Variants in CHODL observed in about 807,000 individuals in gnomAD.
CHODL encodes the protein chondrolectin, also known as transmembrane protein MT75.
In CHODL, 29 loss-of-function variants were observed where a neutral mutation model predicts 34.5. The ratio of observed to expected loss-of-function variants is 0.84; its 90% CI spans 0.63 to 1.15. CHODL has a LOEUF of 1.15. Ranked by LOEUF, CHODL falls within the 50% of genes most tolerant of loss-of-function variation. CHODL has a pLI of 0.00. For missense variants in CHODL, 332 were observed against 332.5 expected, an observed-to-expected ratio of 1.00 and a Z score of 0.01; for synonymous variants, 125 against 116.1, an observed-to-expected ratio of 1.08 and a Z score of -0.49.
At chr21:17,923,474 T>C (rs144441078) in intron 1 of CHODL, among the ~76,000 whole-genome samples, 1 of 151,490 alleles carries the variant, frequency 6.6e-6, no homozygotes, top group East Asian at 1.9e-4. Flanking sequence ...TTTTTTTTTT[T>C]TTTTTGAGAC....
At chr21:18,265,310 C>CACACATAT (rs1555887739) in intron 5 of CHODL, among the ~76,000 whole-genome samples, 2 of 147,148 alleles carry the variant, frequency 1.4e-5, no homozygotes, top group Non-Finnish European at 3.0e-5. Context: ...CACACACACA[C>CACACATAT]ATATATATAT....
intron 2 of CHODL, among the ~76,000 whole-genome samples, chr21:18,211,903 A>G (rs554387007): frequency 6.6e-6 from 1 of 152,326 alleles, no homozygotes; most frequent in East Asian, 1.9e-4. Context: ...CAGTTATTCC[A>G]TGATGAATAT....
At chr21:18,247,298 G>T (rs1475399979) in intron 1 of CHODL, among the ~76,000 whole-genome samples, 1 of 152,060 alleles carries the variant, frequency 6.6e-6, no homozygotes, top group Non-Finnish European at 1.5e-5. Flanking sequence ...CTTTGGGGCT[G>T]TTATTAGGAA....
intron 5 of CHODL, among the ~76,000 whole-genome samples, chr21:18,264,895 G>T (rs140560779): frequency 4.3e-4 from 66 of 152,154 alleles, no homozygotes; most frequent in African/African-American, 1.5e-3. Context: ...AAGTGACTTA[G>T]GTGCAGAGCC....
intron 2 of CHODL, among the ~76,000 whole-genome samples, chr21:18,082,300 C>T (rs1212701182): frequency 6.6e-6 from 1 of 152,178 alleles, no homozygotes; most frequent in Non-Finnish European, 1.5e-5. Context: ...AGTCATGCTT[C>T]CCATTAAGCC....
chr21:18,222,172 A>C (rs748785950), intron 2 of CHODL, among the ~76,000 whole-genome samples: 7 of 152,112 alleles, frequency 4.6e-5, no homozygotes, highest in Non-Finnish European at 8.8e-5. Flanking sequence ...TGAGGAGCTC[A>C]TGCTTCAGTT....
intron 2 of CHODL, among the ~76,000 whole-genome samples, chr21:18,143,342 A>G (rs1225279882): frequency 1.1e-4 from 17 of 152,160 alleles, no homozygotes; most frequent in Admixed American, 6.5e-5. Context: ...TATTTCTCCA[A>G]TATCTATTTT....
intron 2 of CHODL, among the ~76,000 whole-genome samples, chr21:18,084,925 G>GTGTGTGTGTGTGTA (rs2064986782): frequency 1.5e-5 from 1 of 65,752 alleles, no homozygotes; most frequent in African/African-American, 4.7e-5. Context: ...GTAATAGTGT[G>GTGTGTGTGTGTGTA]TGTGTGTGTG....
chr21:18,010,925 A>C (rs1220215067), intron 1 of CHODL, among the ~76,000 whole-genome samples: 1 of 152,204 alleles, frequency 6.6e-6, no homozygotes. Context: ...CCTTGACAGT[A>C]TAAGAAAAGT....
At chr21:18,147,516 T>C (rs541133347) in intron 2 of CHODL, among the ~76,000 whole-genome samples, 3 of 152,384 alleles carry the variant, frequency 2.0e-5, no homozygotes, top group Admixed American at 6.5e-5. Context: ...GTGTGGCTTA[T>C]AGACATAATT....
At chr21:18,084,920 A>AGTGTGTGTGTGTGTGT (rs376876845) in intron 2 of CHODL, among the ~76,000 whole-genome samples, 1 of 85,220 alleles carries the variant, frequency 1.2e-5, no homozygotes, top group African/African-American at 3.1e-5. Context: ...GTCTAGTAAT[A>AGTGTGTGTGTGTGTGT]GTGTGTGTGT....
Position 17,936,569 on chromosome 21 carries a change from T to C in CHODL, c.-145+19169T>C, listed in dbSNP as rs2146325676. 2.0e-5 allele frequency among the ~76,000 whole-genome samples: 3 copies of C among 152,290 alleles called. 1 individual carries two copies. The East Asian group carries it at 5.8e-4, about 29-fold the overall frequency. On this transcript the variant is annotated intron_variant, in intron 1 of 6. Transcript: ENST00000400127. Reference sequence around the variant, plus strand: ...GTGAAACAGATCCAATGGAAAGCTGTTGTTTCATTATGTTTTGTTTTAAAG... The same window carrying C: ...GTGAAACAGATCCAATGGAAAGCTGCTGTTTCATTATGTTTTGTTTTAAAG...
At chr21:18,182,676 C>T (rs2073395349) in intron 2 of CHODL, among the ~76,000 whole-genome samples, 1 of 151,956 alleles carries the variant, frequency 6.6e-6, no homozygotes, top group Non-Finnish European at 1.5e-5. Flanking sequence ...TAATAAATCC[C>T]ATATCTCAGT....
At chr21:17,984,696 G>T (rs892384120) in intron 1 of CHODL, among the ~76,000 whole-genome samples, 1 of 151,826 alleles carries the variant, frequency 6.6e-6, no homozygotes, top group Non-Finnish European at 1.5e-5. Context: ...TGTGTGGAAA[G>T]GCTTTCCCCA....
chr21:17,976,931 T>G (rs1600850546), intron 1 of CHODL, among the ~76,000 whole-genome samples: 1 of 152,148 alleles, frequency 6.6e-6, no homozygotes, highest in African/African-American at 2.4e-5. Flanking sequence ...CAGACAGATT[T>G]AAATAATTGT....
intron 1 of CHODL, among the ~76,000 whole-genome samples, chr21:17,942,798 A>G (rs1288190974): frequency 6.6e-6 from 1 of 152,098 alleles, no homozygotes; most frequent in African/African-American, 2.4e-5. Flanking sequence ...GTCCCCACCC[A>G]AATCTCATGT....
chr21:18,087,637 G>T lies in CHODL; in HGVS notation c.-45+59666G>T, dbSNP rs899768128. Reference sequence around the variant, plus strand: ...AAACTCAGCCTGAGGGTAGAGGGCAGCCTGGAATTAAACTCTCAAAATGAC... The same window carrying T: ...AAACTCAGCCTGAGGGTAGAGGGCATCCTGGAATTAAACTCTCAAAATGAC... On this transcript the variant is annotated intron_variant, in intron 2 of 6. Transcript: ENST00000400127. Among the ~76,000 whole-genome samples the T allele has an allele frequency of 1.1e-4, 16 of 152,266 alleles. 1 individual carries two copies. In the Middle Eastern group the frequency reaches 0.01, roughly 97 times the overall value.
At chr21:18,151,289 C>T (rs1011454107) in intron 2 of CHODL, among the ~76,000 whole-genome samples, 1 of 152,030 alleles carries the variant, frequency 6.6e-6, no homozygotes, top group Admixed American at 6.5e-5. Flanking sequence ...TATCCAGTCA[C>T]GTTTGTACAC....
At chr21:18,088,979 T>C (rs1236607006) in intron 2 of CHODL, among the ~76,000 whole-genome samples, 1 of 152,220 alleles carries the variant, frequency 6.6e-6, no homozygotes, top group Non-Finnish European at 1.5e-5. Context: ...TAGAGGAGGC[T>C]GCACCTGCTC....
Sources: gnomAD v4.1 joint callset for allele counts (sites outside exome capture counted in the v4.1 genomes callset) on GRCh38, gnomAD v4.1.1 for gene constraint, MANE v1.5 for transcripts, NCBI Gene and HGNC (gene_info 2026-07-23, HGNC 2026-07-21) for gene names.